Variants in GGTA1 observed in about 807,000 individuals in gnomAD.
GGTA1 encodes the protein inactive N-acetyllactosaminide alpha-1,3-galactosyltransferase.
Under a neutral mutation model 2.6 loss-of-function variants are expected in GGTA1, and 5 were observed. That is an observed-to-expected ratio of 1.92 (90% CI 1.00 to 4.04). GGTA1 has a LOEUF of 4.04. Among genes scored for constraint, GGTA1 ranks in the 30% most tolerant of loss-of-function variants. The pLI, the probability that GGTA1 is intolerant of heterozygous loss-of-function variation, is 0.00. For synonymous variants in GGTA1, 17 were observed against 5.0 expected (o/e 3.38, Z -3.19); for missense variants, 50 against 16.7 (o/e 2.99, Z -3.47).
chr9:121,491,789 T>C (rs1224979945), intron 1 of GGTA1, among the ~76,000 whole-genome samples: 1 of 152,060 alleles, frequency 6.6e-6, no homozygotes, highest in African/African-American at 2.4e-5. Flanking sequence ...TTTGTATTTT[T>C]AGTAGAGATG....
intron 1 of GGTA1, among the ~76,000 whole-genome samples, chr9:121,481,067 C>T (rs1828633968): frequency 1.3e-5 from 2 of 148,212 alleles, no homozygotes; most frequent in Non-Finnish European, 3.0e-5. Flanking sequence ...GCAGGAGAAT[C>T]ACTTGAACCC....
At chr9:121,478,665 C>T (rs1157126369) in intron 1 of GGTA1, among the ~76,000 whole-genome samples, 2 of 152,136 alleles carry the variant, frequency 1.3e-5, no homozygotes, top group Non-Finnish European at 1.5e-5. Flanking sequence ...TCAGAGTAAA[C>T]AGACACAAGA....
exon 8 of GGTA1, chr9:121,445,883 G>A (rs1406617171): frequency 6.6e-6 from 1 of 152,174 alleles, no homozygotes; most frequent in Admixed American, 6.5e-5. Context: ...GCTAAGTGGT[G>A]ACCGAGTGTC....
At chr9:121,452,762 G>A (rs185986661), downstream of GGTA1, among the ~76,000 whole-genome samples, 199 of 152,240 alleles carry the variant, frequency 1.3e-3, no homozygotes, top group South Asian at 2.3e-3. Context: ...CAGGTGATCC[G>A]CCAGCTTCAG....
intron 1 of GGTA1, among the ~76,000 whole-genome samples, chr9:121,473,806 A>G (rs1479836343): frequency 6.6e-6 from 1 of 151,586 alleles, no homozygotes; most frequent in African/African-American, 2.4e-5. Flanking sequence ...AGTCCCAGCT[A>G]TTGGGGAAGC....
chr9:121,481,494 C>T (rs1373549025), intron 1 of GGTA1, among the ~76,000 whole-genome samples: 1 of 151,616 alleles, frequency 6.6e-6, no homozygotes, highest in Non-Finnish European at 1.5e-5. Context: ...TGAGACCAGC[C>T]TAACATGGTG....
chr9:121,447,204 T>C (rs2064856050), exon 8 of GGTA1: 1 of 152,664 alleles, frequency 6.6e-6, no homozygotes, highest in Admixed American at 6.5e-5. Context: ...CCAAATGGAA[T>C]GTATCCTGCT....
intron 1 of GGTA1, among the ~76,000 whole-genome samples, chr9:121,485,582 G>T (rs1485746916): frequency 6.6e-6 from 1 of 152,134 alleles, no homozygotes; most frequent in Non-Finnish European, 1.5e-5. Context: ...GAAAGCAGTG[G>T]GGTGAAGACA....
At chr9:121,454,820 C>T (rs1290113882), downstream of GGTA1, among the ~76,000 whole-genome samples, 1 of 152,154 alleles carries the variant, frequency 6.6e-6, no homozygotes, top group Non-Finnish European at 1.5e-5. Flanking sequence ...CAAGACCAGC[C>T]TAGCCAACAT....
At chr9:121,454,112 G>T (rs10818538), downstream of GGTA1, among the ~76,000 whole-genome samples, 73 of 152,108 alleles carry the variant, frequency 4.8e-4, no homozygotes, top group Middle Eastern at 6.8e-3. Context: ...GTGCTCTCCT[G>T]GTTCACCACA....
chr9:121,487,574 C>CA (rs35537073), intron 1 of GGTA1, among the ~76,000 whole-genome samples: 3,400 of 65,280 alleles, frequency 0.052, 106 homozygotes, highest in East Asian at 0.14. Context: ...GACTCTGTCT[C>CA]AAAAAAAAAA....
intron 1 of GGTA1, among the ~76,000 whole-genome samples, chr9:121,498,930 A>G (rs1440679194): frequency 6.7e-6 from 1 of 149,350 alleles, no homozygotes; most frequent in Non-Finnish European, 1.5e-5. Flanking sequence ...GAGTTTGTGC[A>G]ATCATTGTGT....
intron 1 of GGTA1, chr9:121,494,750 A>G (rs1397831282): frequency 6.6e-6 from 1 of 152,210 alleles, no homozygotes; most frequent in Non-Finnish European, 1.5e-5. Flanking sequence ...TCCCGTGCTG[A>G]TTGGTAATGA....
intron 1 of GGTA1, among the ~76,000 whole-genome samples, chr9:121,479,504 C>T (rs1452449509): frequency 1.3e-5 from 2 of 152,128 alleles, no homozygotes; most frequent in East Asian, 1.9e-4. Context: ...ATGAGCGGCC[C>T]AGCCTCCTTG....
intron 1 of GGTA1, among the ~76,000 whole-genome samples, chr9:121,484,678 G>A (rs1828721922): frequency 6.6e-6 from 1 of 152,198 alleles, no homozygotes; most frequent in Admixed American, 6.5e-5. Context: ...CTGACAGTCT[G>A]AAATAATTCA....
intron 2 of GGTA1, among the ~76,000 whole-genome samples, chr9:121,465,824 T>C (rs762191404): frequency 6.6e-6 from 1 of 152,250 alleles, no homozygotes; most frequent in Non-Finnish European, 1.5e-5. Flanking sequence ...TTATTGTTTA[T>C]TAAGCCCTAG....
chr9:121,445,887 G>A (rs753753235), exon 8 of GGTA1: 1 of 152,138 alleles, frequency 6.6e-6, no homozygotes, highest in Admixed American at 6.5e-5. Context: ...AGTGGTGACC[G>A]AGTGTCTTCT....
At chr9:121,496,431 C>A (rs547281572) in intron 1 of GGTA1, among the ~76,000 whole-genome samples, 1 of 151,782 alleles carries the variant, frequency 6.6e-6, no homozygotes, top group Non-Finnish European at 1.5e-5. Context: ...AAAATTCAAT[C>A]GTAAAAAATA....
chr9:121,496,335 G>A (rs1451643493), intron 1 of GGTA1, among the ~76,000 whole-genome samples: 1 of 151,992 alleles, frequency 6.6e-6, no homozygotes, highest in Non-Finnish European at 1.5e-5. Flanking sequence ...CCCAAGCCCT[G>A]GCCCATAATG....
Sources: allele counts gnomAD v4.1 joint callset (sites outside exome capture counted in the v4.1 genomes callset), GRCh38; gene constraint gnomAD v4.1.1; transcripts MANE v1.5; gene names NCBI Gene and HGNC (gene_info 2026-07-23, HGNC 2026-07-21).